The following SLC4A4 variants were observed in gnomAD, a reference collection of about 807,000 sequenced individuals.
SLC4A4 encodes electrogenic sodium bicarbonate cotransporter 1.
Under a neutral mutation model 111.5 loss-of-function variants are expected in SLC4A4, and 27 were observed. The ratio of observed to expected loss-of-function variants is 0.24; its 90% confidence interval spans 0.18 to 0.33. SLC4A4 has a LOEUF of 0.33. SLC4A4 is among the 10% of genes least tolerant of loss of function. The probability of loss-of-function intolerance (pLI) is 1.00; values close to 1 mark genes in which losing one functional copy is unlikely to be tolerated. For synonymous variants in SLC4A4, 443 were observed against 463.4 expected, an observed-to-expected ratio of 0.96 and a Z score of 0.57; for missense variants, 909 against 1,315.5, an observed-to-expected ratio of 0.69 and a Z score of 4.78.
intron 24 of SLC4A4, among the ~76,000 whole-genome samples, chr4:71,566,534 AT>A (rs1301159267): frequency 6.6e-6 from 1 of 151,850 alleles, no homozygotes; most frequent in Non-Finnish European, 1.5e-5. Context: ...ACACTTGAGC[AT>A]TTTGCCTGAA....
chr4:71,453,911 G>A (rs945050399), intron 12 of SLC4A4, among the ~76,000 whole-genome samples: 2 of 152,118 alleles, frequency 1.3e-5, no homozygotes, highest in African/African-American at 4.8e-5. Flanking sequence ...AAGGAAATGA[G>A]GATATACAAT....
chr4:71,353,205 AC>A (rs371523964), intron 5 of SLC4A4, among the ~76,000 whole-genome samples: 60 of 152,232 alleles, frequency 3.9e-4, no homozygotes, highest in African/African-American at 1.4e-3. Flanking sequence ...TTTTTCTCTA[AC>A]CTCCATGCAT....
At chr4:71,378,874 A>G (rs989530301) in intron 6 of SLC4A4, among the ~76,000 whole-genome samples, 3 of 152,128 alleles carry the variant, frequency 2.0e-5, no homozygotes, top group Non-Finnish European at 1.5e-5. Context: ...CCACCTCAAT[A>G]GATCCTCATT....
chr4:71,094,416 C>T (rs7690948), intron 2 of SLC4A4, among the ~76,000 whole-genome samples: 2,612 of 146,906 alleles, frequency 0.018, 34 homozygotes, highest in Non-Finnish European at 0.028. Flanking sequence ...CTATTTTTGG[C>T]ATTACATTAT....
intron 3 of SLC4A4, among the ~76,000 whole-genome samples, chr4:71,270,433 C>T (rs1482338495): frequency 6.6e-6 from 1 of 152,170 alleles, no homozygotes; most frequent in Non-Finnish European, 1.5e-5. Flanking sequence ...GTTATTTTTC[C>T]AAAATACTAG....
chr4:71,269,898 C>T (rs1560831944), intron 3 of SLC4A4, among the ~76,000 whole-genome samples: 2 of 152,266 alleles, frequency 1.3e-5, no homozygotes, highest in East Asian at 3.9e-4. Context: ...TCTAAGTCTC[C>T]ATTCTCGTGA....
Position 71,560,502 on chromosome 4 carries a change from T to A in SLC4A4, c.3099+248T>A, listed in dbSNP as rs950914809. On this transcript the variant is annotated intron_variant, in intron 23 of 25. Transcript: ENST00000264485. ...GACTAATAATGACTTCTAAAAAATT[T>A]AAAAACCCACCACATTAAAAAAATT... Among the ~76,000 whole-genome samples, 59 of 151,906 alleles carry A rather than the reference T, an allele frequency of 3.9e-4. 1 individual carries two copies. The highest frequency in any genetic ancestry group is 1.3e-3 in the African/African-American group (53 of 41,512).
chr4:71,475,267 G>A (rs1728260590), intron 14 of SLC4A4, among the ~76,000 whole-genome samples: 1 of 151,738 alleles, frequency 6.6e-6, no homozygotes, highest in African/African-American at 2.4e-5. Context: ...CCTACCTGAG[G>A]CGAATGGAAA....
At chr4:71,488,724 C>G (rs906151192) in intron 15 of SLC4A4, among the ~76,000 whole-genome samples, 1 of 151,620 alleles carries the variant, frequency 6.6e-6, no homozygotes, top group Non-Finnish European at 1.5e-5. Context: ...CCTCGTATAC[C>G]ATGATGCTTC....
At chr4:71,347,816 T>G (rs1186898110) in intron 4 of SLC4A4, among the ~76,000 whole-genome samples, 4 of 152,164 alleles carry the variant, frequency 2.6e-5, no homozygotes, top group South Asian at 4.1e-4. Context: ...TTTACAGGGC[T>G]TCTAGCTGCC....
chr4:71,338,629 T>A (rs1728624062), intron 3 of SLC4A4, among the ~76,000 whole-genome samples: 1 of 151,790 alleles, frequency 6.6e-6, no homozygotes, highest in South Asian at 2.1e-4. Context: ...AATTTTTCAT[T>A]GCATGATTTT....
At position 71,516,691 on chromosome 4, in the gene SLC4A4, C is replaced by A. The variant is rs539138972; in HGVS notation, c.2167-15371C>A. Among the ~76,000 whole-genome samples the A allele has an allele frequency of 3.9e-4, 59 of 152,326 alleles. No homozygotes were observed. In the South Asian group the frequency reaches 8.3e-3, roughly 21 times the overall value. On this transcript the variant is annotated intron_variant, in intron 16 of 25. Coordinates refer to ENST00000264485, the MANE Select transcript of SLC4A4 (RefSeq NM_001098484.3). The stretch of plus-strand genomic sequence containing the variant: ...ACTGAAGTTCTCTTAATTACCCTTT[C>A]CCTGCAATATGGAACCCCTCTAGTC...
chr4:71,236,028 A>T, intron 1 of SLC4A4: 19 of 992,796 alleles, frequency 1.9e-5, no homozygotes, highest in Non-Finnish European at 2.3e-5. Flanking sequence ...GGCTGTGCTG[A>T]TATTAAGAGG....
chr4:71,432,168 TAAG>T (rs1394473050), intron 7 of SLC4A4, among the ~76,000 whole-genome samples: 10 of 152,258 alleles, frequency 6.6e-5, no homozygotes, highest in African/African-American at 1.9e-4. Context: ...CAATTTTTGA[TAAG>T]AAGTGTAGGA....
intron 3 of SLC4A4, among the ~76,000 whole-genome samples, chr4:71,319,588 A>T (rs772182234): frequency 6.6e-6 from 1 of 151,966 alleles, no homozygotes; most frequent in Non-Finnish European, 1.5e-5. Context: ...TGTATTGAAA[A>T]TTTGTTGGTA....
chr4:71,493,948 A>G (rs577168595), intron 15 of SLC4A4, among the ~76,000 whole-genome samples: 1 of 152,124 alleles, frequency 6.6e-6, no homozygotes, highest in African/African-American at 2.4e-5. Context: ...TTTTTTACCC[A>G]TCACTCTGAT....
intron 4 of SLC4A4, among the ~76,000 whole-genome samples, chr4:71,341,416 ATAGACT>A (rs901452731): frequency 2.0e-5 from 3 of 152,168 alleles, no homozygotes; most frequent in African/African-American, 2.4e-5. Flanking sequence ...TTTTTTCTAC[ATAGACT>A]TAGAAAGAAA....
At chr4:71,087,756 T>C (rs1051727330) in intron 1 of SLC4A4, among the ~76,000 whole-genome samples, 3 of 152,136 alleles carry the variant, frequency 2.0e-5, no homozygotes, top group Non-Finnish European at 4.4e-5. Flanking sequence ...TCGATTGCAC[T>C]GTGGTCTGAG....
chr4:71,248,825 G>A (rs921351407), intron 2 of SLC4A4, among the ~76,000 whole-genome samples: 5 of 152,114 alleles, frequency 3.3e-5, no homozygotes, highest in Admixed American at 6.6e-5. Flanking sequence ...GGTCTTAGGC[G>A]CCTCACCTTC....
Sources: gnomAD v4.1 joint callset for allele counts (sites outside exome capture counted in the v4.1 genomes callset) on GRCh38, gnomAD v4.1.1 for gene constraint, MANE v1.5 for transcripts, NCBI Gene and HGNC (gene_info 2026-07-23, HGNC 2026-07-21) for gene names.